The following EVL variants were observed in gnomAD, a reference collection of about 807,000 sequenced individuals.
EVL encodes the protein ena/VASP-like protein.
EVL carries 21 observed loss-of-function variants against 59.6 expected under a neutral mutation model. The ratio of observed to expected loss-of-function variants is 0.35; its 90% CI spans 0.25 to 0.51. The LOEUF (loss-of-function observed/expected upper bound fraction) is 0.51, where lower values mean the gene tolerates loss of function less well. Ranked by LOEUF, EVL falls within the 20% of genes least tolerant of loss-of-function variation. The pLI, the probability that EVL is intolerant of heterozygous loss-of-function variation, is 0.97. For synonymous variants in EVL, 198 were observed against 203.5 expected (o/e 0.97, Z 0.23); for missense variants, 462 against 546.6 (o/e 0.85, Z 1.54).
At chr14:99,993,202 C>T (rs1197761852) in intron 1 of EVL, among the ~76,000 whole-genome samples, 2 of 151,650 alleles carry the variant, frequency 1.3e-5, no homozygotes, top group Non-Finnish European at 2.9e-5. Context: ...GGACTACAGG[C>T]ACGTGCCACC....
At chr14:100,120,504 A>G (rs898809087) in intron 3 of EVL, among the ~76,000 whole-genome samples, 1 of 152,200 alleles carries the variant, frequency 6.6e-6, no homozygotes, top group African/African-American at 2.4e-5. Flanking sequence ...GTTGGTGAGA[A>G]GGAGCATGAG....
intron 1 of EVL, among the ~76,000 whole-genome samples, chr14:99,986,436 T>C (rs2140174577): frequency 6.6e-6 from 1 of 152,192 alleles, no homozygotes; most frequent in East Asian, 1.9e-4. Context: ...TCAATTTGTA[T>C]CATTAAGGAA....
At chr14:100,096,063 G>C (rs915392966) in intron 2 of EVL, among the ~76,000 whole-genome samples, 6 of 152,052 alleles carry the variant, frequency 3.9e-5, no homozygotes, top group Non-Finnish European at 1.5e-5. Context: ...AGTGTACTGT[G>C]TGTGTGTCCC....
chr14:100,120,675 G>A (rs1566714139), intron 3 of EVL, among the ~76,000 whole-genome samples: 1 of 152,224 alleles, frequency 6.6e-6, no homozygotes. Context: ...CCAGGTGCAG[G>A]AGGTCAGCTA....
chr14:100,044,216 G>A (rs2061512988), intron 1 of EVL, among the ~76,000 whole-genome samples: 1 of 152,188 alleles, frequency 6.6e-6, no homozygotes, highest in African/African-American at 2.4e-5. Context: ...AAGGGGGTTG[G>A]GGGATTCACA....
intron 1 of EVL, among the ~76,000 whole-genome samples, chr14:99,993,795 G>A (rs543506787): frequency 2.1e-4 from 31 of 148,808 alleles, no homozygotes; most frequent in African/African-American, 6.4e-4. Flanking sequence ...GGGTTCAAGC[G>A]ATTCTTCTGC....
At chr14:100,009,486 A>C (rs2061002861) in intron 1 of EVL, among the ~76,000 whole-genome samples, 1 of 152,164 alleles carries the variant, frequency 6.6e-6, no homozygotes, top group Non-Finnish European at 1.5e-5. Context: ...ACATGCTGAA[A>C]CCTTTGGAAT....
At chr14:100,081,513 C>A (rs1274484738) in intron 1 of EVL, among the ~76,000 whole-genome samples, 43 of 122,354 alleles carry the variant, frequency 3.5e-4, no homozygotes, top group East Asian at 7.2e-4. Flanking sequence ...TTAACAACAG[C>A]AAAAAAAAAA....
chr14:99,989,939 C>T (rs1376205638), intron 1 of EVL, among the ~76,000 whole-genome samples: 3 of 152,170 alleles, frequency 2.0e-5, no homozygotes, highest in Non-Finnish European at 4.4e-5. Context: ...TTTCTTCCTT[C>T]TTCTTATACT....
At chr14:100,043,696 T>C (rs1462851404) in intron 1 of EVL, among the ~76,000 whole-genome samples, 1 of 149,148 alleles carries the variant, frequency 6.7e-6, no homozygotes, top group African/African-American at 2.5e-5. Context: ...CACTGTAGCC[T>C]CATGCTCCTG....
At chr14:100,083,767 A>G (rs1271764957) in intron 1 of EVL, among the ~76,000 whole-genome samples, 2 of 152,188 alleles carry the variant, frequency 1.3e-5, no homozygotes, top group Non-Finnish European at 2.9e-5. Context: ...AAAATACTTC[A>G]TTGCCTACAT....
chr14:100,061,274 A>C (rs61984486), upstream of EVL, among the ~76,000 whole-genome samples: 4,595 of 151,612 alleles, frequency 0.03, 111 homozygotes, highest in Non-Finnish European at 0.047. Context: ...AATACACCAG[A>C]CATGGTGGCA....
intron 3 of EVL, among the ~76,000 whole-genome samples, chr14:100,117,397 G>T (rs1484407053): frequency 1.3e-5 from 2 of 152,222 alleles, no homozygotes; most frequent in African/African-American, 4.8e-5. Flanking sequence ...TCTCACACTC[G>T]CACCAGGGCT....
At chr14:100,038,771 G>GGGGTGTGTGTGTGTGTGTGT (rs375810603) in intron 1 of EVL, among the ~76,000 whole-genome samples, 2 of 140,914 alleles carry the variant, frequency 1.4e-5, no homozygotes, top group Admixed American at 7.2e-5. Flanking sequence ...TGTGCCCTGG[G>GGGGTGTGTGTGTGTGTGTGT]GTGTGTGTGT....
chr14:100,119,353 G>A (rs536233592), intron 3 of EVL, among the ~76,000 whole-genome samples: 27 of 152,204 alleles, frequency 1.8e-4, no homozygotes, highest in Admixed American at 6.5e-4. Context: ...CCCTGCCTCG[G>A]CAAAATCAGC....
chr14:100,057,922 C>T (rs918469101), intron 1 of EVL, among the ~76,000 whole-genome samples: 1 of 152,194 alleles, frequency 6.6e-6, no homozygotes, highest in African/African-American at 2.4e-5. Context: ...CTTTTCTCTA[C>T]TCCCAGGACA....
chr14:100,132,246 T>C (rs1888482271), intron 7 of EVL, among the ~76,000 whole-genome samples: 2 of 146,242 alleles, frequency 1.4e-5, no homozygotes, highest in African/African-American at 2.5e-5. Flanking sequence ...CATTCTAGAT[T>C]GGGGAGGGCG....
At chr14:100,012,185 T>C (rs2061020809) in intron 1 of EVL, among the ~76,000 whole-genome samples, 1 of 152,166 alleles carries the variant, frequency 6.6e-6, no homozygotes, top group Admixed American at 6.5e-5. Flanking sequence ...AAGGAATAAA[T>C]AGAAAATCCT....
At position 100,130,972 on chromosome 14, in the gene EVL, C is replaced by T. The variant is rs1188759024; in HGVS notation, c.839+1288C>T. The stretch of plus-strand genomic sequence containing the variant: ...CGAATGGCTCCGTGGGTGAGAGAGC[C>T]GGGAGGGCTCGCAGAACGATGAGGA... On this transcript the variant is annotated intron_variant, in intron 7 of 13. Coordinates refer to ENST00000392920, the MANE Select transcript of EVL (RefSeq NM_016337.3). The surrounding 1 kb of genome is among the most constrained non-coding windows in gnomAD (Gnocchi z 4.8). Among the ~76,000 whole-genome samples, 7 of 152,250 alleles carry T rather than the reference C, an allele frequency of 4.6e-5. No homozygotes were observed. Among genetic ancestry groups the T allele is most frequent in the Non-Finnish European group, 8.8e-5 (6 of 68,030 alleles).
Sources: allele counts gnomAD v4.1 joint callset (sites outside exome capture counted in the v4.1 genomes callset), GRCh38; gene constraint gnomAD v4.1.1; non-coding constraint Gnocchi (gnomAD v3.1); transcripts MANE v1.5; gene names NCBI Gene and HGNC (gene_info 2026-07-23, HGNC 2026-07-21).